The following CASP8 variants were observed in gnomAD, a reference collection of about 807,000 sequenced individuals.
CASP8 encodes caspase 8, also known as caspase-8.
In CASP8, 24 loss-of-function variants were observed where a neutral mutation model predicts 46.3. That is an observed-to-expected ratio of 0.52 (90% confidence interval 0.38 to 0.73). CASP8 has a LOEUF of 0.73. Among genes scored for constraint, CASP8 ranks in the 30% least tolerant of loss-of-function variants. CASP8 has a pLI of 0.00. For missense variants in CASP8, 460 were observed against 559.0 expected (o/e 0.82, Z 1.79); for synonymous variants, 188 against 200.4 (o/e 0.94, Z 0.52).
rs34841024 is a variant in CASP8 at position 201,286,417 on chromosome 2, T to G, written c.1305-42T>G. On this transcript the variant is annotated intron_variant, in intron 8 of 8. Transcript: ENST00000673742. ...GCAGAGGAGACAGTTCATCAGTTGC[T>G]TTCCCCCACAGACAGTCACAATATT... The G allele has an allele frequency of 0.11, 178,034 of 1,594,942 alleles. 11,327 individuals carry two copies. The highest frequency in any genetic ancestry group is 0.13 in the Non-Finnish European group (149,692 of 1,163,932).
intron 1 of CASP8, among the ~76,000 whole-genome samples, chr2:201,261,545 A>T (rs1947409770): frequency 6.6e-6 from 1 of 152,082 alleles, no homozygotes; most frequent in African/African-American, 2.4e-5. Flanking sequence ...AAATGATGGG[A>T]TTATATGTTT....
At chr2:201,282,854 G>T (rs1428637663) in intron 7 of CASP8, among the ~76,000 whole-genome samples, 1,028 of 79,786 alleles carry the variant, frequency 0.013, 3 homozygotes, top group African/African-American at 0.04. Context: ...CGGGGCGGCT[G>T]GCCGGGCAGA....
chr2:201,271,516 G>A lies in CASP8; in HGVS notation c.306G>A (p.Arg102=), dbSNP rs747502933. The change falls in exon 3 of 9, where the codon AGG becomes AGA. Residue 102 remains arginine (R), a splice_region_variant and synonymous_variant. Coordinates refer to ENST00000673742, the MANE Select transcript of CASP8 (RefSeq NM_001372051.1). ...AAAGTGTCTCCATTTCCCACCACAG[G>A]GTCATGCTCTATCAGATTTCAGAAG... ...TPGRAQISAY[R]VMLYQISEEV... 5.7e-6 allele frequency: 9 copies of A among 1,569,894 alleles called. No individual in the cohort carries two copies. In the South Asian group the frequency reaches 8.9e-5, roughly 15 times the overall value.
intron 2 of CASP8, among the ~76,000 whole-genome samples, chr2:201,236,082 A>T (rs893940660): frequency 9.2e-5 from 14 of 152,208 alleles, no homozygotes; most frequent in African/African-American, 3.4e-4. Flanking sequence ...TAAGTGACGT[A>T]TGACTGTATA....
chr2:201,234,941 C>T (rs1435873514), intron 2 of CASP8, among the ~76,000 whole-genome samples: 1 of 152,130 alleles, frequency 6.6e-6, no homozygotes, highest in Non-Finnish European at 1.5e-5. Flanking sequence ...ATTTGATTCT[C>T]GTAATAACCT....
chr2:201,274,866 A>G, intron 5 of CASP8, 23 bp from the exon 6 acceptor site: 1 of 1,583,758 alleles, frequency 6.3e-7, no homozygotes, highest in Non-Finnish European at 8.7e-7. Flanking sequence ...CTCATTCTAG[A>G]TGTGTCTCTT....
chr2:201,240,571 C>T (rs1946256652), intron 2 of CASP8: 1 of 152,064 alleles, frequency 6.6e-6, no homozygotes, highest in Non-Finnish European at 1.5e-5. Flanking sequence ...GCCAGCCATA[C>T]AAAAATAGTA....
chr2:201,250,164 C>T (rs1946715831), intron 2 of CASP8, among the ~76,000 whole-genome samples: 1 of 152,168 alleles, frequency 6.6e-6, no homozygotes, highest in African/African-American at 2.4e-5. Flanking sequence ...CTCTCTGTGT[C>T]CCTTTGTCTT....
At chr2:201,250,155 T>G (rs1201512323) in intron 2 of CASP8, among the ~76,000 whole-genome samples, 1 of 152,184 alleles carries the variant, frequency 6.6e-6, no homozygotes, top group Non-Finnish European at 1.5e-5. Flanking sequence ...GTTAGATTCC[T>G]CTCTGTGTCC....
intron 7 of CASP8, among the ~76,000 whole-genome samples, chr2:201,281,540 A>C (rs1949008351): frequency 6.6e-6 from 1 of 151,482 alleles, no homozygotes; most frequent in Admixed American, 6.6e-5. Flanking sequence ...GTGACTAGGT[A>C]ATGGGGAGGG....
chr2:201,252,905 A>G (rs1041333725), intron 2 of CASP8, among the ~76,000 whole-genome samples: 7 of 152,328 alleles, frequency 4.6e-5, no homozygotes, highest in African/African-American at 1.7e-4. Flanking sequence ...AGGGGGAAAA[A>G]AAAGGAATTT....
intron 2 of CASP8, among the ~76,000 whole-genome samples, chr2:201,239,193 C>T (rs1476152806): frequency 6.6e-6 from 1 of 152,228 alleles, no homozygotes; most frequent in African/African-American, 2.4e-5. Context: ...GGCAACCATC[C>T]AATTTCTCAA....
intron 7 of CASP8, 30 bp from the exon 8 acceptor site, chr2:201,284,786 T>A (rs1407145488): frequency 6.3e-7 from 1 of 1,596,332 alleles, no homozygotes; most frequent in Non-Finnish European, 8.5e-7. Context: ...TACTGTGGTA[T>A]AACGTGACTG....
At chr2:201,263,114 T>A (rs1355000216) in intron 1 of CASP8, among the ~76,000 whole-genome samples, 1 of 152,212 alleles carries the variant, frequency 6.6e-6, no homozygotes, top group East Asian at 1.9e-4. Flanking sequence ...TCTTATTATA[T>A]CCAAATTCAT....
chr2:201,251,560 A>C (rs1219542310), intron 2 of CASP8, among the ~76,000 whole-genome samples: 1 of 140,928 alleles, frequency 7.1e-6, no homozygotes. Flanking sequence ...GCGCCACTGC[A>C]CTCCAGCCTG....
intron 2 of CASP8, among the ~76,000 whole-genome samples, chr2:201,245,187 A>G (rs1422462083): frequency 6.6e-6 from 1 of 152,054 alleles, no homozygotes; most frequent in Non-Finnish European, 1.5e-5. Context: ...TCAACCATCT[A>G]AGATCTGAAA....
Position 201,266,632 on chromosome 2 carries a change from A to G in CASP8, c.146A>G (p.Gln49Arg). The change falls in exon 2 of 9, where the codon CAG becomes CGG. Residue 49 changes from glutamine (Q) to arginine (R), a missense_variant. Coordinates refer to ENST00000673742, the MANE Select transcript of CASP8 (RefSeq NM_001372051.1). This position sits in a 1 kb window ranked among gnomAD's most constrained non-coding sequence, Gnocchi z 5.7. Reference sequence around the variant, plus strand: ...GCCTTGATGTTATTCCAGAGACTCCAGGAAAAGAGAATGTTGGAGGAAAGC... The same window carrying G: ...GCCTTGATGTTATTCCAGAGACTCCGGGAAAAGAGAATGTTGGAGGAAAGC... ...KDALMLFQRLQEKRMLEESNL... is the reference protein window; with the variant it reads ...KDALMLFQRLREKRMLEESNL... The G allele has an allele frequency of 6.2e-7, 1 of 1,614,212 alleles. No individual in the cohort carries two copies. Among genetic ancestry groups the G allele is most frequent in the Non-Finnish European group, 8.5e-7 (1 of 1,180,026 alleles).
intron 2 of CASP8, among the ~76,000 whole-genome samples, chr2:201,239,310 G>C (rs879414407): frequency 6.6e-6 from 1 of 152,206 alleles, no homozygotes; most frequent in East Asian, 1.9e-4. Context: ...GTGGTGGCCG[G>C]GCAGAGGGGC....
chr2:201,236,709 T>C (rs935280478), intron 2 of CASP8, among the ~76,000 whole-genome samples: 1 of 152,074 alleles, frequency 6.6e-6, no homozygotes, highest in African/African-American at 2.4e-5. Flanking sequence ...CAAGTGATTC[T>C]CCCACTTCAG....
Sources: gnomAD v4.1 joint callset for allele counts (sites outside exome capture counted in the v4.1 genomes callset) on GRCh38, gnomAD v4.1.1 for gene constraint, Gnocchi (gnomAD v3.1) non-coding constraint, MANE v1.5 for transcripts, NCBI Gene and HGNC (gene_info 2026-07-23, HGNC 2026-07-21) for gene names.